The following SORCS2 variants were observed in gnomAD, a reference collection of about 807,000 sequenced individuals.
SORCS2 encodes the protein VPS10 domain-containing receptor SorCS2.
In SORCS2, 100 loss-of-function variants were observed where a neutral mutation model predicts 141.6. That is an observed-to-expected ratio of 0.71 (90% CI 0.60 to 0.83). The LOEUF (loss-of-function observed/expected upper bound fraction) is 0.83. Ranked by LOEUF, SORCS2 falls within the 40% of genes least tolerant of loss-of-function variation. The pLI, the probability that SORCS2 is intolerant of heterozygous loss-of-function variation, is 0.00. For synonymous variants in SORCS2, 789 were observed against 676.9 expected (o/e 1.17, Z -2.57); for missense variants, 1,646 against 1,560.2 (o/e 1.05, Z -0.93).
intron 3 of SORCS2, among the ~76,000 whole-genome samples, chr4:7,631,469 G>A (rs1354221570): frequency 1.3e-5 from 2 of 152,056 alleles, no homozygotes; most frequent in Non-Finnish European, 1.5e-5. Flanking sequence ...TTTTTGCACA[G>A]TGTCGACTCT....
At chr4:7,616,804 G>T (rs917102370) in intron 3 of SORCS2, among the ~76,000 whole-genome samples, 1 of 152,206 alleles carries the variant, frequency 6.6e-6, no homozygotes, top group African/African-American at 2.4e-5. Context: ...TTAATTACTT[G>T]GTTTTAAAAC....
At chr4:7,620,367 T>C (rs1719083469) in intron 3 of SORCS2, among the ~76,000 whole-genome samples, 2 of 152,224 alleles carry the variant, frequency 1.3e-5, no homozygotes, top group South Asian at 4.1e-4. Flanking sequence ...GGGTCCCAGC[T>C]TTCACAAGAC....
At chr4:7,723,117 G>A (rs949831429) in intron 18 of SORCS2, among the ~76,000 whole-genome samples, 3 of 152,266 alleles carry the variant, frequency 2.0e-5, no homozygotes, top group Admixed American at 6.5e-5. Flanking sequence ...TCGGTGCCAC[G>A]CGGGGATGGC....
At position 7,430,101 on chromosome 4, in the gene SORCS2, C is replaced by T. The variant is rs1726729723; in HGVS notation, c.548+33746C>T. Among the ~76,000 whole-genome samples, 4 of 152,216 alleles carry T rather than the reference C, an allele frequency of 2.6e-5. No individual in the cohort carries two copies. In the South Asian group the frequency reaches 6.2e-4, roughly 24 times the overall value. On this transcript the variant is annotated intron_variant, in intron 2 of 26. Transcript: ENST00000507866. ...ATTTGACTTTCATCCCTGGAGGTCACGGGAAGTGAAAGTGGGGGAGGGAGC... is the reference window on the plus strand; with the variant it reads ...ATTTGACTTTCATCCCTGGAGGTCATGGGAAGTGAAAGTGGGGGAGGGAGC...
chr4:7,495,533 C>T (rs1186277298), intron 2 of SORCS2, among the ~76,000 whole-genome samples: 3 of 152,142 alleles, frequency 2.0e-5, no homozygotes, highest in South Asian at 2.1e-4. Flanking sequence ...ACACTGGTGG[C>T]GATTTTCTCC....
At chr4:7,443,057 C>T (rs563415576) in intron 2 of SORCS2, among the ~76,000 whole-genome samples, 2 of 152,218 alleles carry the variant, frequency 1.3e-5, no homozygotes, top group Admixed American at 6.5e-5. Flanking sequence ...TTCCTTCTTC[C>T]TATGAGAATA....
chr4:7,729,522 G>T, intron 22 of SORCS2, 65 bp from the exon 23 acceptor site: 1 of 1,527,684 alleles, frequency 6.5e-7, no homozygotes. Flanking sequence ...TGTTCCTGGG[G>T]GCCCCAGTAT....
intron 1 of SORCS2, among the ~76,000 whole-genome samples, chr4:7,228,658 A>G (rs955660345): frequency 6.6e-6 from 1 of 151,880 alleles, no homozygotes; most frequent in Non-Finnish European, 1.5e-5. Flanking sequence ...AGCTGAGGGC[A>G]CTCAGGACCT....
intron 1 of SORCS2, among the ~76,000 whole-genome samples, chr4:7,395,242 G>A (rs1038563878): frequency 2.5e-4 from 38 of 152,214 alleles, no homozygotes; most frequent in African/African-American, 9.2e-4. Flanking sequence ...GCCATCTGTG[G>A]AAACGGCACC....
At chr4:7,290,351 G>A (rs1214579106) in intron 1 of SORCS2, among the ~76,000 whole-genome samples, 2 of 152,170 alleles carry the variant, frequency 1.3e-5, no homozygotes, top group African/African-American at 2.4e-5. Context: ...TAACTTCAGT[G>A]TGTGACAGGA....
At chr4:7,416,604 G>A (rs762803043) in intron 2 of SORCS2, among the ~76,000 whole-genome samples, 29 of 151,784 alleles carry the variant, frequency 1.9e-4, no homozygotes, top group South Asian at 4.2e-4. Flanking sequence ...ACACTTGTGC[G>A]TATACACAGA....
chr4:7,324,701 ACAAAAC>A (rs1385350879), intron 1 of SORCS2, among the ~76,000 whole-genome samples: 1 of 152,236 alleles, frequency 6.6e-6, no homozygotes, highest in Non-Finnish European at 1.5e-5. Context: ...AAAAAACAAA[ACAAAAC>A]AAAAAACTCC....
chr4:7,711,733 C>A (rs530465870), intron 14 of SORCS2, among the ~76,000 whole-genome samples: 69 of 152,336 alleles, frequency 4.5e-4, no homozygotes, highest in African/African-American at 1.6e-3. Flanking sequence ...AGCTGTGTGA[C>A]CTTGGGCAAG....
At chr4:7,507,686 G>A (rs1448435896) in intron 2 of SORCS2, among the ~76,000 whole-genome samples, 2 of 152,070 alleles carry the variant, frequency 1.3e-5, no homozygotes, top group Non-Finnish European at 2.9e-5. Context: ...AAGGAATCAC[G>A]GGAAAGGTGG....
Position 7,397,624 on chromosome 4 carries a change from G to A in SORCS2, c.548+1269G>A, listed in dbSNP as rs1032723604. Among the ~76,000 whole-genome samples, 3 of 152,290 alleles carry A rather than the reference G, an allele frequency of 2.0e-5. No homozygotes were observed. In the East Asian group the frequency reaches 5.8e-4, roughly 29 times the overall value. ...GTGCTGGTGGGGTTGCTTTAAAAAT[G>A]TCTCGTTCCTCCGGTGCTGGGCTCA... On this transcript the variant is annotated intron_variant, in intron 2 of 26. Transcript: ENST00000507866.
chr4:7,474,287 C>A (rs1041982734), intron 2 of SORCS2, among the ~76,000 whole-genome samples: 11 of 152,218 alleles, frequency 7.2e-5, no homozygotes, highest in African/African-American at 2.7e-4. Context: ...GCAGTGAGGT[C>A]AGCGGGCAGA....
intron 2 of SORCS2, among the ~76,000 whole-genome samples, chr4:7,415,905 A>T (rs4234804): frequency 5.3e-5 from 8 of 152,130 alleles, no homozygotes; most frequent in South Asian, 2.1e-4. Context: ...GAAGAGGGCA[A>T]TTGGGCATTT....
At chr4:7,604,053 G>A (rs1577827279) in intron 3 of SORCS2, among the ~76,000 whole-genome samples, 2 of 152,122 alleles carry the variant, frequency 1.3e-5, no homozygotes, top group South Asian at 4.2e-4. Flanking sequence ...GTGTGTGACT[G>A]CTGTGTGTGT....
intron 1 of SORCS2, among the ~76,000 whole-genome samples, chr4:7,271,931 G>A (rs1003544005): frequency 2.6e-5 from 4 of 152,248 alleles, no homozygotes; most frequent in African/African-American, 9.6e-5. Flanking sequence ...TGTTCGCTAA[G>A]GAGTCCTGTC....
Sources: gnomAD v4.1 joint callset for allele counts (sites outside exome capture counted in the v4.1 genomes callset) on GRCh38, gnomAD v4.1.1 for gene constraint, MANE v1.5 for transcripts, NCBI Gene and HGNC (gene_info 2026-07-23, HGNC 2026-07-21) for gene names.